Variants in RAB37 observed in about 807,000 individuals in gnomAD.
RAB37 encodes the protein ras-related protein Rab-37.
Under a neutral mutation model 33.1 loss-of-function variants are expected in RAB37, and 29 were observed. The ratio of observed to expected loss-of-function variants is 0.88; its 90% confidence interval spans 0.65 to 1.20. The LOEUF (loss-of-function observed/expected upper bound fraction) is 1.20, where lower values mean the gene tolerates loss of function less well. Among genes scored for constraint, RAB37 ranks in the 50% most tolerant of loss-of-function variants. The probability of loss-of-function intolerance (pLI) is 0.00; values close to 1 mark genes in which losing one functional copy is unlikely to be tolerated. For synonymous variants in RAB37, 128 were observed against 119.5 expected (o/e 1.07, Z -0.47); for missense variants, 299 against 301.1 (o/e 0.99, Z 0.05).
intron 1 of RAB37, among the ~76,000 whole-genome samples, chr17:74,701,192 T>C (rs887356572): frequency 2.0e-5 from 3 of 152,250 alleles, no homozygotes; most frequent in African/African-American, 4.8e-5. Context: ...CCTTCATCAC[T>C]GGATGTGCAG....
At chr17:74,700,116 T>A (rs1337073886) in intron 1 of RAB37, among the ~76,000 whole-genome samples, 1 of 151,540 alleles carries the variant, frequency 6.6e-6, no homozygotes, top group Non-Finnish European at 1.5e-5. Flanking sequence ...CACTCCAGCC[T>A]GGTCGACAGA....
At chr17:74,684,372 C>G (rs188991492) in intron 1 of RAB37, among the ~76,000 whole-genome samples, 2 of 151,124 alleles carry the variant, frequency 1.3e-5, no homozygotes, top group Non-Finnish European at 2.9e-5. Context: ...GGATTATAGG[C>G]GTGAGCCACC....
At chr17:74,736,883 G>A, upstream of RAB37, 2 of 1,496,224 alleles carry the variant, frequency 1.3e-6, no homozygotes, top group Admixed American at 2.2e-5. Context: ...CACGGCCCGG[G>A]GCTCGGGCGC....
intron 1 of RAB37, among the ~76,000 whole-genome samples, chr17:74,697,230 C>T (rs1450311131): frequency 2.0e-5 from 3 of 152,130 alleles, no homozygotes; most frequent in African/African-American, 4.8e-5. Flanking sequence ...AGGCATGAGC[C>T]ACGACACCCA....
intron 1 of RAB37, among the ~76,000 whole-genome samples, chr17:74,708,537 G>A (rs1008239495): frequency 3.9e-5 from 6 of 152,158 alleles, no homozygotes; most frequent in Admixed American, 1.3e-4. Flanking sequence ...ATCAGCATAC[G>A]GAATCTGGTG....
At chr17:74,741,590 A>AAAAAG in intron 2 of RAB37, among the ~76,000 whole-genome samples, 1 of 150,228 alleles carries the variant, frequency 6.7e-6, no homozygotes, top group Admixed American at 6.6e-5. Context: ...CGTCTCAGAA[A>AAAAAG]AAAAAAAAAA....
intron 1 of RAB37, among the ~76,000 whole-genome samples, chr17:74,709,070 A>G (rs1379865083): frequency 6.6e-6 from 1 of 150,792 alleles, no homozygotes; most frequent in Non-Finnish European, 1.5e-5. Flanking sequence ...TAAAAATTCA[A>G]AAAATTAGCT....
upstream of RAB37, among the ~76,000 whole-genome samples, chr17:74,735,762 C>T (rs1009046501): frequency 6.6e-6 from 1 of 152,206 alleles, no homozygotes; most frequent in Non-Finnish European, 1.5e-5. Flanking sequence ...CCTCTGTCCC[C>T]ACTCTGGGCG....
chr17:74,688,019 T>C (rs2032087747), intron 1 of RAB37, among the ~76,000 whole-genome samples: 2 of 152,222 alleles, frequency 1.3e-5, no homozygotes. Context: ...GATTGTTGAA[T>C]AGAAACTTTG....
chr17:74,704,164 G>A (rs960917892), intron 1 of RAB37, among the ~76,000 whole-genome samples: 2 of 152,192 alleles, frequency 1.3e-5, no homozygotes, highest in Non-Finnish European at 2.9e-5. Flanking sequence ...GGGTCTCTGG[G>A]TACCATGGGA....
At chr17:74,698,623 TG>T in intron 1 of RAB37, 1 of 1,482,454 alleles carries the variant, frequency 6.7e-7, no homozygotes, top group Admixed American at 2.2e-5. Context: ...CCCTCACTCC[TG>T]GGGATCCTCA....
chr17:74,742,314 G>A lies in RAB37; in HGVS notation c.246+19G>A, dbSNP rs751337567. 6.2e-7 allele frequency: 1 copy of A among 1,601,428 alleles called. No individual in the cohort carries two copies. Among genetic ancestry groups the A allele is most frequent in the Non-Finnish European group, 8.5e-7 (1 of 1,169,748 alleles). On this transcript the variant is annotated intron_variant, in intron 3 of 8. Transcript: ENST00000392613. The surrounding 1 kb of genome is among the most constrained non-coding windows in gnomAD (Gnocchi z 4.0). ...GCTGCAGGTGAGACCAGAGGCTGGA[G>A]TTGGGGAGGGAGGATGGAGGACCTG... is the stretch of plus-strand genomic sequence containing the variant.
intron 1 of RAB37, among the ~76,000 whole-genome samples, chr17:74,700,981 A>T (rs1363830806): frequency 6.6e-6 from 1 of 152,176 alleles, no homozygotes; most frequent in African/African-American, 2.4e-5. Context: ...AGACACACGC[A>T]GAGGGACGAC....
At chr17:74,733,512 G>T (rs2144041576), upstream of RAB37, among the ~76,000 whole-genome samples, 1 of 564 alleles carries the variant, frequency 1.8e-3, no homozygotes, top group Non-Finnish European at 4.7e-3. Flanking sequence ...GGTGTGTGTG[G>T]TGAGGTGTGT....
At chr17:74,686,190 C>A (rs2032051511) in intron 1 of RAB37, among the ~76,000 whole-genome samples, 1 of 151,948 alleles carries the variant, frequency 6.6e-6, no homozygotes, top group Admixed American at 6.6e-5. Context: ...CTTCCAGGTT[C>A]AAGCAATTCT....
chr17:74,743,090 G>A, intron 3 of RAB37, 39 bp from the exon 4 acceptor site: 3 of 1,587,300 alleles, frequency 1.9e-6, no homozygotes, highest in Non-Finnish European at 2.6e-6. Context: ...CCTTGCACCT[G>A]CCTCCTTCTG....
Position 74,677,810 on chromosome 17 carries a change from G to T in RAB37, c.72+6152G>T, listed in dbSNP as rs116914555. On this transcript the variant is annotated intron_variant, in intron 1 of 7. Transcript: ENST00000340415. ...AGGATAACCTCAGCAGGAAATGATG[G>T]TGACTCAGTCCAGCGCCTCAAAGTC... Among the ~76,000 whole-genome samples the T allele has an allele frequency of 3.7e-3, 557 of 152,244 alleles. 10 individuals carry two copies. In the East Asian group the frequency reaches 0.04, roughly 11 times the overall value.
chr17:74,681,146 C>T (rs1401240058), intron 1 of RAB37, among the ~76,000 whole-genome samples: 1 of 152,250 alleles, frequency 6.6e-6, no homozygotes, highest in African/African-American at 2.4e-5. Flanking sequence ...CCACATCTGA[C>T]TGCAGCTCAG....
At position 74,729,343 on chromosome 17, in the gene RAB37, G is replaced by C; in HGVS notation, c.160G>C (p.Ala54Pro). Residue 54 changes from alanine to proline, a missense_variant, in exon 2 of 8, where the codon GCC becomes CCC. Coordinates refer to the RAB37 transcript ENST00000340415. This position sits in a 1 kb window ranked among gnomAD's most constrained non-coding sequence, Gnocchi z 4.2. ...CAAGTTCATCCCCGGCTCCTTCTCG[G>C]CCACTGTGGGCATCGGATTCACGGT... 6.2e-7 allele frequency: 1 copy of C among 1,613,942 alleles called. No individual in the cohort carries two copies. Among genetic ancestry groups the C allele is most frequent in the South Asian group, 1.1e-5 (1 of 91,064 alleles).
Sources: gnomAD v4.1 joint callset for allele counts (sites outside exome capture counted in the v4.1 genomes callset) on GRCh38, gnomAD v4.1.1 for gene constraint, Gnocchi (gnomAD v3.1) non-coding constraint, MANE v1.5 for transcripts, NCBI Gene and HGNC (gene_info 2026-07-23, HGNC 2026-07-21) for gene names.